The following WDR27 variants were observed in gnomAD, a reference collection of about 807,000 sequenced individuals.
WDR27 encodes WD repeat domain 27.
Under a neutral mutation model 114.4 loss-of-function variants are expected in WDR27, and 100 were observed. The observed-to-expected ratio is 0.87, with a 90% CI of 0.74 to 1.03. The LOEUF is 1.03. WDR27 is among the 50% of genes least tolerant of loss of function. The probability of loss-of-function intolerance (pLI) is 0.00; values close to 1 mark genes in which losing one functional copy is unlikely to be tolerated. For synonymous variants in WDR27, 449 were observed against 423.1 expected (o/e 1.06, Z -0.75); for missense variants, 1,129 against 1,092.9 (o/e 1.03, Z -0.47).
At chr6:169,435,303 T>C in the WDR27 span, among the ~76,000 whole-genome samples, 1 of 152,232 alleles carries the variant, frequency 6.6e-6, no homozygotes, top group South Asian at 2.1e-4. Flanking sequence ...AAATGTTGGG[T>C]GAGTCCCCAC....
At chr6:169,440,274 G>A in the WDR27 span, among the ~76,000 whole-genome samples, 1 of 152,140 alleles carries the variant, frequency 6.6e-6, no homozygotes, top group Non-Finnish European at 1.5e-5. Context: ...AGGCTGGACA[G>A]GATACTAAAC....
intron 1 of WDR27, among the ~76,000 whole-genome samples, chr6:169,689,492 C>T (rs1783897196): frequency 6.6e-6 from 1 of 152,218 alleles, no homozygotes; most frequent in Non-Finnish European, 1.5e-5. Flanking sequence ...CCCGCATCTC[C>T]CATAACTAAC....
intron 25 of WDR27, among the ~76,000 whole-genome samples, chr6:169,489,583 C>T (rs1451649969): frequency 3.3e-5 from 5 of 152,240 alleles, no homozygotes; most frequent in African/African-American, 1.2e-4. Context: ...TGAAAAGGCA[C>T]TTCTACCACC....
At chr6:169,607,399 C>A (rs62422535) in intron 22 of WDR27, among the ~76,000 whole-genome samples, 1 of 47,390 alleles carries the variant, frequency 2.1e-5, no homozygotes, top group African/African-American at 4.8e-5. Flanking sequence ...TGTATACACA[C>A]ACACACACAC....
chr6:169,433,590 C>A, the WDR27 span, among the ~76,000 whole-genome samples: 1 of 152,106 alleles, frequency 6.6e-6, no homozygotes, highest in Non-Finnish European at 1.5e-5. Context: ...ATTTATAATC[C>A]TTTGGGTATA....
chr6:169,517,359 GC>G (rs1793807267), intron 25 of WDR27, among the ~76,000 whole-genome samples: 1 of 152,152 alleles, frequency 6.6e-6, no homozygotes, highest in South Asian at 2.1e-4. Flanking sequence ...AAATTACCCA[GC>G]CTCAGGTATT....
At chr6:169,602,125 T>A in intron 23 of WDR27, 94 bp downstream of exon 23, 1 of 841,930 alleles carries the variant, frequency 1.2e-6, no homozygotes, top group Non-Finnish European at 1.8e-6. Context: ...AAGCTGAAAG[T>A]AGGTTTCTAT....
intron 23 of WDR27, among the ~76,000 whole-genome samples, chr6:169,586,854 A>AAAAAAAAAAAAAAT (rs1804722729): frequency 6.9e-6 from 1 of 145,542 alleles, no homozygotes; most frequent in Non-Finnish European, 1.5e-5. Flanking sequence ...TCTCAAAAAA[A>AAAAAAAAAAAAAAT]AAAAAAAAAA....
At chr6:169,434,987 G>T in the WDR27 span, among the ~76,000 whole-genome samples, 1 of 152,208 alleles carries the variant, frequency 6.6e-6, no homozygotes, top group Non-Finnish European at 1.5e-5. Context: ...GGTTTCATGG[G>T]CTGGGCCCAG....
intron 2 of WDR27, among the ~76,000 whole-genome samples, chr6:169,681,077 C>T: frequency 6.6e-6 from 1 of 152,134 alleles, no homozygotes; most frequent in East Asian, 1.9e-4. Flanking sequence ...ACAAAAGACA[C>T]AAACACAATT....
intron 24 of WDR27, among the ~76,000 whole-genome samples, chr6:169,573,756 A>T (rs1001486320): frequency 6.6e-6 from 1 of 152,088 alleles, no homozygotes; most frequent in African/African-American, 2.4e-5. Context: ...TCCATACTTA[A>T]CCTGCACGCT....
intron 8 of WDR27, 125 bp from the exon 9 acceptor site, chr6:169,662,549 G>A (rs922443698): frequency 1.9e-5 from 24 of 1,249,642 alleles, no homozygotes; most frequent in Middle Eastern, 1.9e-4. Context: ...CGGATCACGC[G>A]TCGAGGAAAG....
chr6:169,627,494 T>C (rs1815147863), intron 21 of WDR27, among the ~76,000 whole-genome samples: 1 of 152,160 alleles, frequency 6.6e-6, no homozygotes, highest in Non-Finnish European at 1.5e-5. Flanking sequence ...ACATCAGCAC[T>C]AGAGGAAGAG....
intron 25 of WDR27, among the ~76,000 whole-genome samples, chr6:169,549,121 A>G (rs542785720): frequency 2.4e-4 from 36 of 152,360 alleles, no homozygotes; most frequent in African/African-American, 7.9e-4. Flanking sequence ...GATAAGCCAC[A>G]AACCGGGAGA....
chr6:169,611,441 G>A (rs1314954937), intron 22 of WDR27, among the ~76,000 whole-genome samples: 1 of 151,574 alleles, frequency 6.6e-6, no homozygotes, highest in Non-Finnish European at 1.5e-5. Flanking sequence ...AAGTAGGTGG[G>A]ATTACAGGTG....
Position 169,582,881 on chromosome 6 carries a change from G to A in WDR27, c.2478C>T (p.His826=). ...SSTFSHRLAG[H]TDTVTGVAFN... is the part of the protein sequence containing the mutation. ...AGGCCACTCCAGTGACAGTGTCTGT[G>A]TGCCCAGCCAGCCGGTGAGAAAACG... is the stretch of plus-strand genomic sequence containing the variant. Residue 826 remains histidine, a synonymous_variant, in exon 24 of 26, where the codon CAC becomes CAT. Coordinates refer to ENST00000448612, the MANE Select transcript of WDR27 (RefSeq NM_182552.5). 1 of 1,613,964 alleles carries A rather than the reference G, an allele frequency of 6.2e-7. No homozygotes were observed. Among genetic ancestry groups the A allele is most frequent in the Non-Finnish European group, 8.5e-7 (1 of 1,179,892 alleles).
intron 13 of WDR27, chr6:169,657,630 A>G (rs539493135): frequency 2.6e-5 from 4 of 152,606 alleles, no homozygotes; most frequent in Admixed American, 2.6e-4. Context: ...AAGAATTATC[A>G]GTGAGCCTTG....
intron 25 of WDR27, among the ~76,000 whole-genome samples, chr6:169,491,146 A>G (rs1173395360): frequency 2.6e-5 from 4 of 152,232 alleles, no homozygotes; most frequent in African/African-American, 9.6e-5. Context: ...ACGGGCATTT[A>G]AGAGCTTCCT....
At position 169,638,260 on chromosome 6, in the gene WDR27, G is replaced by A. The variant is rs1292707410; in HGVS notation, c.1869+279C>T. ...GAACCCGGGAAGCGGAGCTTGCAGT[G>A]AGCCGAGATTGCGCCACTGCAGTCC... is the stretch of plus-strand genomic sequence containing the variant. On this transcript the variant is annotated intron_variant, in intron 18 of 25. Coordinates refer to ENST00000448612, the MANE Select transcript of WDR27 (RefSeq NM_182552.5). 5.7e-4 allele frequency among the ~76,000 whole-genome samples: 69 copies of A among 120,288 alleles called. 10 individuals are homozygous for A. Among genetic ancestry groups the A allele is most frequent in the Non-Finnish European group, 9.1e-4 (56 of 61,642 alleles). 78.9% of individuals were successfully genotyped at this position (120,288 alleles called of 152,430 possible). A position where few individuals can be genotyped will look rare whatever the true frequency, so the allele number is the denominator to read the frequency against.
Sources: allele counts gnomAD v4.1 joint callset (sites outside exome capture counted in the v4.1 genomes callset), GRCh38; gene constraint gnomAD v4.1.1; transcripts MANE v1.5; gene names NCBI Gene and HGNC (gene_info 2026-07-23, HGNC 2026-07-21).